Variants in EVC2 observed in about 807,000 individuals in gnomAD.
The protein encoded by EVC2 is limbin.
Under a neutral mutation model 149.3 loss-of-function variants are expected in EVC2, and 148 were observed. The ratio of observed to expected loss-of-function variants is 0.99; its 90% CI spans 0.87 to 1.14. EVC2 has a LOEUF of 1.14. Ranked by LOEUF, EVC2 falls within the 50% of genes most tolerant of loss-of-function variation. The pLI is 0.00. For synonymous variants in EVC2, 776 were observed against 649.9 expected (o/e 1.19, Z -2.95); for missense variants, 1,854 against 1,627.3 (o/e 1.14, Z -2.40).
intron 19 of EVC2, among the ~76,000 whole-genome samples, 178 bp downstream of exon 19, chr4:5,574,507 C>G (rs1356291439): frequency 3.3e-5 from 5 of 152,242 alleles, no homozygotes; most frequent in Non-Finnish European, 7.3e-5. Context: ...GCCATTAGCA[C>G]TGATTGAGCA....
At chr4:5,690,688 C>T (rs1413374719) in intron 4 of EVC2, among the ~76,000 whole-genome samples, 1 of 108,578 alleles carries the variant, frequency 9.2e-6, no homozygotes, top group Non-Finnish European at 2.2e-5. Context: ...CCACACAACT[C>T]ATCCACTGGG....
intron 21 of EVC2, among the ~76,000 whole-genome samples, chr4:5,555,766 G>T (rs1218409357): frequency 6.6e-6 from 1 of 152,100 alleles, no homozygotes; most frequent in Admixed American, 6.5e-5. Flanking sequence ...AACATAGTTG[G>T]CCTGAATAGC....
chr4:5,562,142 A>G (rs533113003), downstream of EVC2, among the ~76,000 whole-genome samples: 5 of 152,234 alleles, frequency 3.3e-5, no homozygotes, highest in Non-Finnish European at 7.3e-5. This position sits in a 1 kb window ranked among gnomAD's most constrained non-coding sequence, Gnocchi z 4.3. Flanking sequence ...GCCAGGAGAA[A>G]GGATAAGGTT....
At chr4:5,672,419 C>A (rs1022980123) in intron 7 of EVC2, among the ~76,000 whole-genome samples, 1 of 152,186 alleles carries the variant, frequency 6.6e-6, no homozygotes, top group Non-Finnish European at 1.5e-5. Flanking sequence ...TTTAGAAAGA[C>A]AACTCTGGCC....
intron 17 of EVC2, among the ~76,000 whole-genome samples, chr4:5,584,250 C>T (rs1712064112): frequency 6.6e-6 from 1 of 152,138 alleles, no homozygotes; most frequent in African/African-American, 2.4e-5. Flanking sequence ...TGCGATAATG[C>T]TAATAATTAG....
chr4:5,619,922 G>A (rs1177296629), intron 14 of EVC2, among the ~76,000 whole-genome samples: 3 of 152,198 alleles, frequency 2.0e-5, no homozygotes, highest in Non-Finnish European at 4.4e-5. Context: ...AGCATTGACC[G>A]ATGCTTTAAA....
chr4:5,665,524 G>A lies in EVC2; in HGVS notation c.996C>T (p.Thr332=). 2 of 1,614,150 alleles carry A rather than the reference G, an allele frequency of 1.2e-6. No homozygotes were observed. Among genetic ancestry groups the A allele is most frequent in the Non-Finnish European group, 1.7e-6 (2 of 1,180,028 alleles). The change falls in exon 8 of 22, where the codon ACC becomes ACT. Residue 332 remains threonine (T), a synonymous_variant. Coordinates refer to ENST00000344408, the MANE Select transcript of EVC2 (RefSeq NM_147127.5). ...CTCAGGGAAGACTCACCCGATGTCT[G>A]GTGAGCATGTTTCCCTTCAGACACT... ...RYQCLKGNML[T]RHRVWQYESK... is the part of the protein sequence containing the mutation.
intron 1 of EVC2, among the ~76,000 whole-genome samples, chr4:5,704,781 C>A (rs904202899): frequency 4.6e-5 from 7 of 152,136 alleles, no homozygotes; most frequent in African/African-American, 1.7e-4. Context: ...TCATAGCTCA[C>A]TGCATCCTCG....
intron 7 of EVC2, among the ~76,000 whole-genome samples, chr4:5,673,759 A>C (rs1439009265): frequency 6.6e-6 from 1 of 152,248 alleles, no homozygotes; most frequent in Non-Finnish European, 1.5e-5. Flanking sequence ...ACCAAGTTAC[A>C]AAAGCATGAT....
intron 9 of EVC2, among the ~76,000 whole-genome samples, chr4:5,642,935 A>G (rs1325221380): frequency 6.6e-6 from 1 of 152,178 alleles, no homozygotes; most frequent in Non-Finnish European, 1.5e-5. Flanking sequence ...CAAATATCAG[A>G]TCTGTCATTT....
At chr4:5,698,158 G>A (rs1208653027) in intron 1 of EVC2, among the ~76,000 whole-genome samples, 1 of 152,120 alleles carries the variant, frequency 6.6e-6, no homozygotes, top group Non-Finnish European at 1.5e-5. Context: ...GAGAGAATCA[G>A]CGCCCTCATG....
intron 1 of EVC2, among the ~76,000 whole-genome samples, chr4:5,700,348 T>C (rs1577273045): frequency 6.6e-6 from 1 of 152,068 alleles, no homozygotes; most frequent in Admixed American, 6.5e-5. Context: ...AAGCATCCAT[T>C]GGATGGTGCA....
intron 7 of EVC2, among the ~76,000 whole-genome samples, chr4:5,666,950 C>G (rs1188495831): frequency 2.6e-5 from 4 of 152,172 alleles, no homozygotes; most frequent in Admixed American, 1.3e-4. Flanking sequence ...AACTTTCCCT[C>G]AAGATGTTGA....
intron 11 of EVC2, among the ~76,000 whole-genome samples, chr4:5,629,927 C>T (rs1222902947): frequency 6.6e-6 from 1 of 152,222 alleles, no homozygotes; most frequent in Non-Finnish European, 1.5e-5. Flanking sequence ...GTACTGTTAT[C>T]ACCTGTGGAG....
chr4:5,670,615 TTCACCA>T lies in EVC2; in HGVS notation c.871-4972_871-4967del. Among the ~76,000 whole-genome samples, 1 of 147,030 alleles carries T rather than the reference TTCACCA, an allele frequency of 6.8e-6. No homozygotes were observed. The highest frequency in any genetic ancestry group is 1.5e-5 in the Non-Finnish European group (1 of 66,756). On this transcript the variant is annotated intron_variant, in intron 7 of 21. Transcript: ENST00000344408. The surrounding 1 kb of genome is among the most constrained non-coding windows in gnomAD (Gnocchi z 5.2). The stretch of plus-strand genomic sequence containing the variant: ...CATCAATATCACCATCACCATCATC[TTCACCA>T]TCACCATCACTACCATCATTGTCAA...
chr4:5,556,865 CA>C (rs547758923), intron 21 of EVC2, among the ~76,000 whole-genome samples: 4 of 152,042 alleles, frequency 2.6e-5, no homozygotes, highest in Non-Finnish European at 5.9e-5. Context: ...AGACAAACTA[CA>C]AAAATTCACA....
In EVC2 at chr4:5,622,733, G is replaced by A. The variant is rs1454769055; in HGVS notation, c.2305C>T (p.Pro769Ser). 1.2e-6 allele frequency: 2 copies of A among 1,614,008 alleles called. No individual in the cohort carries two copies. Among genetic ancestry groups the A allele is most frequent in the Non-Finnish European group, 8.5e-7 (1 of 1,180,000 alleles). ...AGGATCTGCTGCAGGAAGAGCCAGG[G>A]CACCCCACGCTTGAGCAGCTCCTGG... ...MTQELLKRGV[P>S]WLFLQQILEE... The change falls in exon 14 of 22, where the codon CCC becomes TCC. Residue 769 changes from proline to serine, a missense_variant. Coordinates refer to ENST00000344408, the MANE Select transcript of EVC2 (RefSeq NM_147127.5). This position sits in a 1 kb window ranked among gnomAD's most constrained non-coding sequence, Gnocchi z 5.8.
intron 9 of EVC2, among the ~76,000 whole-genome samples, chr4:5,650,636 T>TAGAGAGAGAGAGAGAGAGAGAG (rs1412059399): frequency 1.8e-5 from 1 of 55,666 alleles, no homozygotes; most frequent in African/African-American, 6.7e-5. Context: ...TATATATATA[T>TAGAGAGAGAGAGAGAGAGAGAG]ATAGAGAGAG....
chr4:5,675,091 T>C (rs1015245174), intron 7 of EVC2, among the ~76,000 whole-genome samples: 3 of 152,210 alleles, frequency 2.0e-5, no homozygotes, highest in Non-Finnish European at 4.4e-5. Context: ...TCTCACATCA[T>C]AGATAGCTAC....
Sources: allele counts gnomAD v4.1 joint callset (sites outside exome capture counted in the v4.1 genomes callset), GRCh38; gene constraint gnomAD v4.1.1; non-coding constraint Gnocchi (gnomAD v3.1); transcripts MANE v1.5; gene names NCBI Gene and HGNC (gene_info 2026-07-23, HGNC 2026-07-21).